PCDHGB1: variants seen among roughly 807,000 people sequenced by gnomAD.
PCDHGB1 encodes protocadherin gamma subfamily B, 1.
Under a neutral mutation model 56.6 loss-of-function variants are expected in PCDHGB1, and 34 were observed. The ratio of observed to expected loss-of-function variants is 0.60; its 90% CI spans 0.46 to 0.80. The LOEUF is 0.80. Among genes scored for constraint, PCDHGB1 ranks in the 30% least tolerant of loss-of-function variants. PCDHGB1 has a pLI of 0.00. For synonymous variants in PCDHGB1, 561 were observed against 505.9 expected, an observed-to-expected ratio of 1.11 and a Z score of -1.46; for missense variants, 1,278 against 1,204.6, an observed-to-expected ratio of 1.06 and a Z score of -0.90.
chr5:141,503,598 CAAAAAAAAAA>C (rs765754054), intron 2 of PCDHGB1, among the ~76,000 whole-genome samples: 1 of 65,762 alleles, frequency 1.5e-5, no homozygotes. Context: ...GACTCCAGCT[CAAAAAAAAAA>C]AAAAAAGAAA....
Position 141,477,412 on chromosome 5 carries a change from C to T in PCDHGB1, c.2410-17395C>T. 6 of 1,614,168 alleles carry T rather than the reference C, an allele frequency of 3.7e-6. No individual in the cohort carries two copies. The highest frequency in any genetic ancestry group is 1.1e-5 in the South Asian group (1 of 91,082). On this transcript the variant is annotated intron_variant, in intron 1 of 3. Coordinates refer to ENST00000523390, the MANE Select transcript of PCDHGB1 (RefSeq NM_018922.3). This position sits in a 1 kb window ranked among gnomAD's most constrained non-coding sequence, Gnocchi z 4.9. ...ACCTCAGCATCACCGCCCGAGACGC[C>T]GGAACCCCTTCCCTCTCAGCCCTTA... is the stretch of plus-strand genomic sequence containing the variant.
At chr5:141,405,472 T>G in intron 1 of PCDHGB1, 1 of 1,056,196 alleles carries the variant, frequency 9.5e-7, no homozygotes, top group Non-Finnish European at 1.4e-6. Context: ...CAGGCTGGAA[T>G]GCAGTGGTGT....
intron 1 of PCDHGB1, among the ~76,000 whole-genome samples, chr5:141,429,377 G>GTT (rs566693637): frequency 2.2e-4 from 33 of 149,524 alleles, no homozygotes; most frequent in South Asian, 1.5e-3. Context: ...GAGAAAATGT[G>GTT]TTTTTTTTTT....
intron 1 of PCDHGB1, chr5:141,393,503 G>T: frequency 6.2e-7 from 1 of 1,614,028 alleles, no homozygotes; most frequent in Non-Finnish European, 8.5e-7. Context: ...GCATCCACGT[G>T]ACAGTGTTGG....
In PCDHGB1 at chr5:141,364,970, G is replaced by T. The variant is rs766427343; in HGVS notation, c.2409+12301G>T. 13 of 1,613,796 alleles carry T rather than the reference G, an allele frequency of 8.1e-6. No homozygotes were observed. The East Asian group carries it at 2.9e-4, about 36-fold the overall frequency. On this transcript the variant is annotated intron_variant, in intron 1 of 3. Coordinates refer to ENST00000523390, the MANE Select transcript of PCDHGB1 (RefSeq NM_018922.3). The stretch of plus-strand genomic sequence containing the variant: ...GACTGTTCACGACCTCCTCCTCACA[G>T]CTTTAGATGGCGGAGACCCGGTACT...
At position 141,476,387 on chromosome 5, in the gene PCDHGB1, C is replaced by A. The variant is rs147660262; in HGVS notation, c.2410-18420C>A. ...GACCGGAGAGATGTTTGTGAACGAC[C>A]GTCTGGATCGAGAGGAGCTGTGTGG... is the stretch of plus-strand genomic sequence containing the variant. On this transcript the variant is annotated intron_variant, in intron 1 of 3. Transcript: ENST00000523390. The surrounding 1 kb of genome is among the most constrained non-coding windows in gnomAD (Gnocchi z 7.6). 1.2e-6 allele frequency: 2 copies of A among 1,614,076 alleles called. No individual in the cohort carries two copies. Among genetic ancestry groups the A allele is most frequent in the Non-Finnish European group, 8.5e-7 (1 of 1,180,024 alleles).
rs188827871 is a variant in PCDHGB1, at chr5:141,405,107, T to G, written c.2409+52438T>G. 137 of 1,613,998 alleles carry G rather than the reference T, an allele frequency of 8.5e-5. No homozygotes were observed. The Middle Eastern group carries it at 1.3e-3, about 16-fold the overall frequency. On this transcript the variant is annotated intron_variant, in intron 1 of 3. Coordinates refer to ENST00000523390, the MANE Select transcript of PCDHGB1 (RefSeq NM_018922.3). ...GCTGCTGGCCCTCAGGCTGAGGCAC[T>G]GGCACTCCTCGCATCTGCTGCGGGC...
At chr5:141,387,479 A>C (rs2090961106) in intron 1 of PCDHGB1, among the ~76,000 whole-genome samples, 1 of 152,258 alleles carries the variant, frequency 6.6e-6, no homozygotes, top group Non-Finnish European at 1.5e-5. Context: ...AGTTGGGATG[A>C]AGGCATTCCT....
At position 141,476,396 on chromosome 5, in the gene PCDHGB1, C is replaced by A; in HGVS notation, c.2410-18411C>A. The A allele has an allele frequency of 6.2e-7, 1 of 1,614,032 alleles. No homozygotes were observed. Among genetic ancestry groups the A allele is most frequent in the Non-Finnish European group, 8.5e-7 (1 of 1,180,020 alleles). Reference sequence around the variant, plus strand: ...GATGTTTGTGAACGACCGTCTGGATCGAGAGGAGCTGTGTGGGACACTGCC... The same window carrying A: ...GATGTTTGTGAACGACCGTCTGGATAGAGAGGAGCTGTGTGGGACACTGCC... On this transcript the variant is annotated intron_variant, in intron 1 of 3. Transcript: ENST00000523390. The surrounding 1 kb of genome is among the most constrained non-coding windows in gnomAD (Gnocchi z 7.6).
At chr5:141,361,682 C>T in intron 1 of PCDHGB1, 1 of 1,613,584 alleles carries the variant, frequency 6.2e-7, no homozygotes. Context: ...GTGGTGTTCG[C>T]GCAGCGCGCC....
chr5:141,488,054 A>G (rs1255295788), intron 1 of PCDHGB1, among the ~76,000 whole-genome samples: 1 of 152,206 alleles, frequency 6.6e-6, no homozygotes, highest in Admixed American at 6.5e-5. Flanking sequence ...TTGAGGGGAA[A>G]TAAAATCTTT....
At chr5:141,379,831 C>T (rs1242791393) in intron 1 of PCDHGB1, among the ~76,000 whole-genome samples, 3 of 142,262 alleles carry the variant, frequency 2.1e-5, no homozygotes, top group Non-Finnish European at 4.5e-5. Context: ...TTTGAAGCAT[C>T]AGGAAAAAAA....
At chr5:141,389,919 C>T (rs777835466) in intron 1 of PCDHGB1, 22 of 1,613,962 alleles carry the variant, frequency 1.4e-5, no homozygotes, top group Middle Eastern at 1.6e-4. Context: ...CCGCCCCGAC[C>T]CCTCTGACCT....
intron 1 of PCDHGB1, among the ~76,000 whole-genome samples, chr5:141,450,005 T>A (rs1439257597): frequency 1.0e-5 from 1 of 99,604 alleles, no homozygotes; most frequent in Non-Finnish European, 1.8e-5. Context: ...TTGCCATGTC[T>A]CTTTTTTTTT....
intron 1 of PCDHGB1, chr5:141,362,295 G>A (rs1312691474): frequency 1.2e-6 from 2 of 1,614,062 alleles, no homozygotes; most frequent in Non-Finnish European, 1.7e-6. Context: ...TCTCTTCCAG[G>A]TCAGATGCTT....
At chr5:141,410,479 G>A in intron 1 of PCDHGB1, 2 of 1,613,956 alleles carry the variant, frequency 1.2e-6, no homozygotes, top group Non-Finnish European at 1.7e-6. Flanking sequence ...TTGCACATAC[G>A]GGTACAAAAG....
At chr5:141,478,795 C>T (rs919747545) in intron 1 of PCDHGB1, 7 of 1,468,056 alleles carry the variant, frequency 4.8e-6, no homozygotes, top group Non-Finnish European at 6.3e-6. Flanking sequence ...ACATCCTCAG[C>T]ACTCTTTTGC....
chr5:141,496,533 G>A (rs2099769399), intron 2 of PCDHGB1, among the ~76,000 whole-genome samples: 2 of 152,176 alleles, frequency 1.3e-5, no homozygotes, highest in Admixed American at 1.3e-4. Context: ...GTGTATGGCA[G>A]AGATTCCAGC....
intron 1 of PCDHGB1, chr5:141,390,054 T>G (rs763200251): frequency 6.2e-7 from 1 of 1,614,070 alleles, no homozygotes; most frequent in Non-Finnish European, 8.5e-7. Context: ...CTCCTGGAGC[T>G]GCTTCCAGCC....
Sources: gnomAD v4.1 joint callset for allele counts (sites outside exome capture counted in the v4.1 genomes callset) on GRCh38, gnomAD v4.1.1 for gene constraint, Gnocchi (gnomAD v3.1) non-coding constraint, MANE v1.5 for transcripts, NCBI Gene and HGNC (gene_info 2026-07-23, HGNC 2026-07-21) for gene names.